ZMAT4: variants seen among roughly 807,000 people sequenced by gnomAD.
The protein encoded by ZMAT4 is zinc finger matrin-type 4.
ZMAT4 carries 17 observed loss-of-function variants against 28.7 expected under a neutral mutation model. The ratio of observed to expected loss-of-function variants is 0.59; its 90% CI spans 0.41 to 0.89. ZMAT4 has a LOEUF of 0.89. ZMAT4 is among the 40% of genes least tolerant of loss of function. The pLI, the probability that ZMAT4 is intolerant of heterozygous loss-of-function variation, is 0.00. For missense variants in ZMAT4, 240 were observed against 283.8 expected, an observed-to-expected ratio of 0.85 and a Z score of 1.11; for synonymous variants, 117 against 109.2, an observed-to-expected ratio of 1.07 and a Z score of -0.44.
chr8:40,544,028 AGG>A (rs1363093561), intron 6 of ZMAT4, among the ~76,000 whole-genome samples: 1 of 152,080 alleles, frequency 6.6e-6, no homozygotes, highest in Non-Finnish European at 1.5e-5. Flanking sequence ...AGTGGTGGAG[AGG>A]GAAGGGCAGT....
chr8:40,678,799 A>C (rs191865852), intron 4 of ZMAT4, among the ~76,000 whole-genome samples: 45 of 152,294 alleles, frequency 3.0e-4, no homozygotes, highest in African/African-American at 9.4e-4. Flanking sequence ...GTTTTTTCAG[A>C]TTCATTTATT....
chr8:40,614,057 T>C (rs1343269043), intron 5 of ZMAT4, among the ~76,000 whole-genome samples: 1 of 152,212 alleles, frequency 6.6e-6, no homozygotes, highest in East Asian at 1.9e-4. Flanking sequence ...TTCTGTGTCA[T>C]CTTGCAGCTC....
chr8:40,826,937 C>T (rs975136457), intron 1 of ZMAT4, among the ~76,000 whole-genome samples: 1 of 152,102 alleles, frequency 6.6e-6, no homozygotes, highest in Non-Finnish European at 1.5e-5. Flanking sequence ...ACCTCCTACC[C>T]GTCAAGCAAG....
chr8:40,649,688 C>T (rs1807538980), intron 5 of ZMAT4, among the ~76,000 whole-genome samples: 1 of 152,098 alleles, frequency 6.6e-6, no homozygotes, highest in East Asian at 1.9e-4. Flanking sequence ...AAGCTCTCCT[C>T]AGCAAATGTA....
At chr8:40,796,747 C>T (rs183163866) in intron 2 of ZMAT4, among the ~76,000 whole-genome samples, 1 of 152,348 alleles carries the variant, frequency 6.6e-6, no homozygotes, top group East Asian at 1.9e-4. Flanking sequence ...CCTTTTGCTT[C>T]TTCATCAGAT....
chr8:40,698,695 G>A (rs1809999838), intron 3 of ZMAT4, among the ~76,000 whole-genome samples: 1 of 152,228 alleles, frequency 6.6e-6, no homozygotes, highest in African/African-American at 2.4e-5. Flanking sequence ...TTATGTGGTA[G>A]TTAGGAAATG....
At chr8:40,601,634 GAGAAAGAAAGAAAGAAAGAA>G (rs1203644702) in intron 5 of ZMAT4, among the ~76,000 whole-genome samples, 3 of 26,890 alleles carry the variant, frequency 1.1e-4, no homozygotes, top group African/African-American at 2.9e-4. Context: ...AAGAAAGAAA[GAGAAAGAAAGAAAGAAAGAA>G]AGAAAGAAAG....
At chr8:40,575,393 A>G (rs1295049306) in intron 6 of ZMAT4, among the ~76,000 whole-genome samples, 1 of 152,094 alleles carries the variant, frequency 6.6e-6, no homozygotes, top group Non-Finnish European at 1.5e-5. Context: ...TGAAAGCTTC[A>G]TCCCAAGAGA....
At chr8:40,595,972 T>C (rs1196226410) in intron 5 of ZMAT4, among the ~76,000 whole-genome samples, 3 of 151,900 alleles carry the variant, frequency 2.0e-5, no homozygotes, top group Non-Finnish European at 2.9e-5. Flanking sequence ...TAATCCCAGC[T>C]ACTAAGGAGG....
intron 6 of ZMAT4, among the ~76,000 whole-genome samples, chr8:40,575,173 A>T (rs561762026): frequency 3.4e-4 from 52 of 152,178 alleles, no homozygotes; most frequent in Non-Finnish European, 6.8e-4. Flanking sequence ...AGGCTGTCCA[A>T]GCCAAACAGC....
At chr8:40,568,609 A>C (rs531635971) in intron 6 of ZMAT4, among the ~76,000 whole-genome samples, 1 of 152,156 alleles carries the variant, frequency 6.6e-6, no homozygotes, top group South Asian at 2.1e-4. Context: ...TTTAGTACTT[A>C]TTATTATTAT....
intron 1 of ZMAT4, among the ~76,000 whole-genome samples, chr8:40,882,982 G>A (rs1249674778): frequency 2.0e-5 from 3 of 152,116 alleles, no homozygotes; most frequent in Non-Finnish European, 2.9e-5. Flanking sequence ...CAACCTTGCC[G>A]TCTAAGTGAA....
At chr8:40,894,826 A>G (rs1276468689) in intron 1 of ZMAT4, among the ~76,000 whole-genome samples, 3 of 152,210 alleles carry the variant, frequency 2.0e-5, no homozygotes, top group Non-Finnish European at 4.4e-5. Context: ...AGCGAACACA[A>G]TAGGCGTGCT....
chr8:40,642,941 G>A (rs1309200129), intron 5 of ZMAT4, among the ~76,000 whole-genome samples: 1 of 152,194 alleles, frequency 6.6e-6, no homozygotes, highest in Non-Finnish European at 1.5e-5. Context: ...AAGGGTATGA[G>A]GAGGCAAAGT....
In ZMAT4 at chr8:40,545,989, C is replaced by T. The variant is rs188959814; in HGVS notation, c.675-13751G>A. ...AAAAGTCTATATGTTTATCCCTATTCAAACACCATCAGCATCAGGCTGTTC... is the reference window on the plus strand; with the variant it reads ...AAAAGTCTATATGTTTATCCCTATTTAAACACCATCAGCATCAGGCTGTTC... On this transcript the variant is annotated intron_variant, in intron 6 of 6. Transcript: ENST00000297737. Among the ~76,000 whole-genome samples the T allele has an allele frequency of 1.3e-4, 20 of 149,420 alleles. No homozygotes were observed. In the East Asian group the frequency reaches 3.9e-3, roughly 29 times the overall value.
At chr8:40,802,729 C>T (rs1281332033) in intron 2 of ZMAT4, among the ~76,000 whole-genome samples, 2 of 152,012 alleles carry the variant, frequency 1.3e-5, no homozygotes, top group Non-Finnish European at 2.9e-5. Context: ...ATTGATTCTA[C>T]AGTTTAGACA....
intron 5 of ZMAT4, among the ~76,000 whole-genome samples, chr8:40,601,405 A>AAGGAAGGAAGGAAGGAAGGAAGG (rs3039809): frequency 6.9e-5 from 5 of 72,284 alleles, no homozygotes; most frequent in Non-Finnish European, 1.3e-4. Flanking sequence ...AGGAGGAAAG[A>AAGGAAGGAAGGAAGGAAGGAAGG]AAGGAAGGAA....
At chr8:40,756,676 T>G in intron 3 of ZMAT4, among the ~76,000 whole-genome samples, 1 of 149,596 alleles carries the variant, frequency 6.7e-6, no homozygotes. Flanking sequence ...TGTACTGGAT[T>G]CTTATTATTT....
chr8:40,785,725 A>AT lies in ZMAT4; in HGVS notation c.103-17996dup, dbSNP rs201952523. Among the ~76,000 whole-genome samples, 87 of 152,330 alleles carry AT rather than the reference A, an allele frequency of 5.7e-4. 2 individuals are homozygous for AT. The East Asian group carries it at 0.016, about 29-fold the overall frequency. ...AAGTGTTTAACCAATGTAATCATGC[A>AT]TTCAGGCTGGACATTTTCTCATCCA... is the stretch of plus-strand genomic sequence containing the variant. On this transcript the variant is annotated intron_variant, in intron 2 of 6. Coordinates refer to ENST00000297737, the MANE Select transcript of ZMAT4 (RefSeq NM_024645.3).
Sources: gnomAD v4.1 joint callset for allele counts (sites outside exome capture counted in the v4.1 genomes callset) on GRCh38, gnomAD v4.1.1 for gene constraint, MANE v1.5 for transcripts, NCBI Gene and HGNC (gene_info 2026-07-23, HGNC 2026-07-21) for gene names.